MEGF6: variants seen among roughly 807,000 people sequenced by gnomAD.
MEGF6 encodes the protein multiple EGF like domains 6.
A neutral mutation model predicts 207.1 loss-of-function variants in MEGF6; 184 were observed. The observed-to-expected ratio is 0.89, with a 90% confidence interval of 0.79 to 1.00. The LOEUF is 1.00. Ranked by LOEUF, MEGF6 falls within the 50% of genes least tolerant of loss-of-function variation. The probability of loss-of-function intolerance (pLI) is 0.00; values close to 1 mark genes in which losing one functional copy is unlikely to be tolerated. For synonymous variants in MEGF6, 1,038 were observed against 910.0 expected, an observed-to-expected ratio of 1.14 and a Z score of -2.53; for missense variants, 2,282 against 2,202.9, an observed-to-expected ratio of 1.04 and a Z score of -0.72.
rs1457698291 is a variant in MEGF6 at position 3,515,383 on chromosome 1, C to G, written c.730+19G>C. The G allele has an allele frequency of 6.2e-7, 1 of 1,604,642 alleles. No individual in the cohort carries two copies. Among genetic ancestry groups the G allele is most frequent in the East Asian group, 2.3e-5 (1 of 44,396 alleles). ...TGCCTCCACCCCCAGGTCCTCCCTC[C>G]CAGGCTGGCAGCACTCACGGACACA... On this transcript the variant is annotated intron_variant, in intron 6 of 36. Transcript: ENST00000356575.
At chr1:3,511,065 G>A (rs1641328815) in intron 9 of MEGF6, among the ~76,000 whole-genome samples, 163 bp from the exon 10 acceptor site, 1 of 152,210 alleles carries the variant, frequency 6.6e-6, no homozygotes, top group Non-Finnish European at 1.5e-5. Context: ...GGCACCTGCA[G>A]ACAATCGCAC....
At chr1:3,571,060 T>C (rs1015865152) in intron 4 of MEGF6, among the ~76,000 whole-genome samples, 3 of 152,010 alleles carry the variant, frequency 2.0e-5, no homozygotes, top group East Asian at 3.9e-4. Flanking sequence ...GGGACCCCAT[T>C]AACTGTGAGC....
chr1:3,604,195 G>T (rs904494278), intron 1 of MEGF6, among the ~76,000 whole-genome samples: 1 of 152,182 alleles, frequency 6.6e-6, no homozygotes, highest in African/African-American at 2.4e-5. Flanking sequence ...GACATGTCCT[G>T]CCCATGACCT....
chr1:3,512,329 A>T lies in MEGF6; in HGVS notation c.854-201T>A, dbSNP rs142460366. ...CTGGGATGAAGAAGTTGGCACCCAC[A>T]CAGGTCTCACACTAAGCCTGTTGCA... On this transcript the variant is annotated intron_variant, in intron 7 of 36. Coordinates refer to ENST00000356575, the MANE Select transcript of MEGF6 (RefSeq NM_001409.4). Among the ~76,000 whole-genome samples, 644 of 152,330 alleles carry T rather than the reference A, an allele frequency of 4.2e-3. 7 individuals carry two copies. Among genetic ancestry groups the T allele is most frequent in the African/African-American group, 0.015 (628 of 41,572 alleles).
intron 14 of MEGF6, 139 bp downstream of exon 14, chr1:3,507,656 G>C (rs1449873142): frequency 1.9e-5 from 21 of 1,086,130 alleles, no homozygotes; most frequent in Non-Finnish European, 3.0e-5. Flanking sequence ...GGAAGGAAAG[G>C]GAGTCTAGGA....
At position 3,565,423 on chromosome 1, in the gene MEGF6, C is replaced by T. The variant is rs1434142782; in HGVS notation, c.481+14402G>A. Among the ~76,000 whole-genome samples, 3 of 152,194 alleles carry T rather than the reference C, an allele frequency of 2.0e-5. No homozygotes were observed. The highest frequency in any genetic ancestry group is 2.9e-5 in the Non-Finnish European group (2 of 68,048). ...TCTCAAGGCCACCAGGGGGTGCCAG[C>T]GCCCCACCCTGAGCACGCGGCAAGA... On this transcript the variant is annotated intron_variant, in intron 4 of 36. Transcript: ENST00000356575. This position sits in a 1 kb window ranked among gnomAD's most constrained non-coding sequence, Gnocchi z 4.8.
At chr1:3,509,773 G>A (rs1348486355) in intron 11 of MEGF6, 97 bp downstream of exon 11, 1 of 1,422,084 alleles carries the variant, frequency 7.0e-7, no homozygotes. Flanking sequence ...CCCCAGGCAG[G>A]TGGGGGTGGG....
chr1:3,511,771 C>A, intron 8 of MEGF6, 84 bp from the exon 9 acceptor site: 1 of 1,542,536 alleles, frequency 6.5e-7, no homozygotes, highest in Non-Finnish European at 8.8e-7. Flanking sequence ...CTCCACCCAG[C>A]AGCCAGCCTC....
intron 2 of MEGF6, among the ~76,000 whole-genome samples, chr1:3,598,063 C>T (rs1216189633): frequency 1.3e-5 from 2 of 152,216 alleles, no homozygotes; most frequent in East Asian, 1.9e-4. Flanking sequence ...CCGCCCCGGG[C>T]CTGCCCTGCA....
chr1:3,551,737 T>C (rs1349706476), intron 4 of MEGF6, among the ~76,000 whole-genome samples: 1 of 151,812 alleles, frequency 6.6e-6, no homozygotes, highest in Non-Finnish European at 1.5e-5. Flanking sequence ...ATGGGGGAGC[T>C]GGATGGGGGG....
At chr1:3,598,725 C>T (rs954930857) in intron 2 of MEGF6, among the ~76,000 whole-genome samples, 1 of 149,010 alleles carries the variant, frequency 6.7e-6, no homozygotes. Context: ...GCCCCCCCCC[C>T]CCCCCCGGGG....
upstream of MEGF6, among the ~76,000 whole-genome samples, chr1:3,611,814 G>C (rs1644331994): frequency 6.8e-6 from 1 of 147,720 alleles, no homozygotes; most frequent in Non-Finnish European, 1.5e-5. Flanking sequence ...GCCCCTTTGC[G>C]CTCCCTGCTC....
Position 3,505,405 on chromosome 1 carries a change from C to T in MEGF6, c.2053+17G>A, listed in dbSNP as rs906659764. On this transcript the variant is annotated intron_variant, in intron 16 of 36. Transcript: ENST00000356575. ...ACCCTGGCGCCCCCCGCCCCCAGACCCCATGCCTGGACTCACCTGCCTGAC... is the reference window on the plus strand; with the variant it reads ...ACCCTGGCGCCCCCCGCCCCCAGACTCCATGCCTGGACTCACCTGCCTGAC... The T allele has an allele frequency of 1.2e-6, 2 of 1,602,458 alleles. No individual in the cohort carries two copies. Among genetic ancestry groups the T allele is most frequent in the Admixed American group, 1.7e-5 (1 of 58,838 alleles).
intron 3 of MEGF6, among the ~76,000 whole-genome samples, chr1:3,580,228 G>T (rs1214176425): frequency 1.3e-5 from 2 of 150,482 alleles, no homozygotes; most frequent in Non-Finnish European, 3.0e-5. Flanking sequence ...GGTGGGCAGG[G>T]AGTGGGGTCT....
Position 3,498,362 on chromosome 1 carries a change from C to T in MEGF6, c.3352+9G>A. 1.3e-6 allele frequency: 2 copies of T among 1,599,148 alleles called. No homozygotes were observed. Among genetic ancestry groups the T allele is most frequent in the Non-Finnish European group, 1.7e-6 (2 of 1,176,390 alleles). ...CCTGCAGACCCCCCTGCTGCCCCGC[C>T]CCACTCACGGCTCTGACACTTGTCC... On this transcript the variant is annotated intron_variant, in intron 26 of 36. Coordinates refer to ENST00000356575, the MANE Select transcript of MEGF6 (RefSeq NM_001409.4).
chr1:3,566,938 G>A (rs1643358249), intron 4 of MEGF6, among the ~76,000 whole-genome samples: 1 of 152,174 alleles, frequency 6.6e-6, no homozygotes, highest in Non-Finnish European at 1.5e-5. Flanking sequence ...TCTCACCACG[G>A]CCCCTACGGC....
chr1:3,500,666 C>A lies in MEGF6; in HGVS notation c.2674G>T (p.Glu892Ter). 1 of 1,570,010 alleles carries A rather than the reference C, an allele frequency of 6.4e-7. No individual in the cohort carries two copies. The highest frequency in any genetic ancestry group is 2.4e-5 in the East Asian group (1 of 42,200). ...CDAISGLCLC[E>*]AGYVGPRCEQ... ...CACCGCGGGCCCACGTAGCCAGCCTCACACAGACACAGGCCGCTGATGGCA... is the reference window on the plus strand; with the variant it reads ...CACCGCGGGCCCACGTAGCCAGCCTAACACAGACACAGGCCGCTGATGGCA... Residue 892 changes from glutamate (E) to a stop codon, truncating the protein, a stop_gained, in exon 21 of 37, where the codon GAG (glutamate) becomes TAG (stop). Transcript: ENST00000356575. LOFTEE classifies it high-confidence loss of function.
At chr1:3,524,665 C>CA (rs1557749056) in intron 4 of MEGF6, among the ~76,000 whole-genome samples, 1 of 152,224 alleles carries the variant, frequency 6.6e-6, no homozygotes, top group African/African-American at 2.4e-5. Context: ...CGGCCATGCC[C>CA]AGGCTGTGGG....
Position 3,499,919 on chromosome 1 carries a change from G to A in MEGF6, c.2713C>T (p.Pro905Ser), listed in dbSNP as rs750827344. ...CAGCCGGGCCCAAAGTGGCCCTGGG[G>A]ACACTCTGAGATATGCAGCCCCGGC... Reference protein sequence around the residue: ...YVGPRCEQQCPQGHFGPGCEQ... With the variant: ...YVGPRCEQQCSQGHFGPGCEQ... Residue 905 changes from proline (P) to serine (S), a missense_variant, in exon 22 of 37, where the codon CCC becomes TCC. Pro to Ser is a moderately conservative substitution (Grantham distance 74). Transcript: ENST00000356575. The A allele has an allele frequency of 1.3e-6, 2 of 1,561,512 alleles. No homozygotes were observed. The highest frequency in any genetic ancestry group is 1.4e-5 in the African/African-American group (1 of 73,718).
Sources: allele counts gnomAD v4.1 joint callset (sites outside exome capture counted in the v4.1 genomes callset), GRCh38; gene constraint gnomAD v4.1.1; non-coding constraint Gnocchi (gnomAD v3.1); transcripts MANE v1.5; gene names NCBI Gene and HGNC (gene_info 2026-07-23, HGNC 2026-07-21).